AK8: variants seen among roughly 807,000 people sequenced by gnomAD.
The protein encoded by AK8 is adenylate kinase 8, also known as ATP-AMP transphosphorylase 8.
A neutral mutation model predicts 54.6 loss-of-function variants in AK8; 44 were observed. The ratio of observed to expected loss-of-function variants is 0.81; its 90% CI spans 0.63 to 1.04. The LOEUF (loss-of-function observed/expected upper bound fraction) is 1.04. Among genes scored for constraint, AK8 ranks in the 50% least tolerant of loss-of-function variants. The pLI, the probability that AK8 is intolerant of heterozygous loss-of-function variation, is 0.00. For synonymous variants in AK8, 239 were observed against 245.6 expected (o/e 0.97, Z 0.25); for missense variants, 555 against 613.6 (o/e 0.90, Z 1.01).
At chr9:132,854,233 T>C (rs1306204948) in intron 5 of AK8, among the ~76,000 whole-genome samples, 1 of 152,126 alleles carries the variant, frequency 6.6e-6, no homozygotes, top group Non-Finnish European at 1.5e-5. Context: ...CATATATACA[T>C]AAAATAAAAT....
rs562679856 is a variant in AK8, at chr9:132,726,020, T to C, written c.1203-95A>G. On this transcript the variant is annotated intron_variant, in intron 12 of 12. Transcript: ENST00000298545. The stretch of plus-strand genomic sequence containing the variant: ...CTCTACTGTGGACCAATTTGGGGTG[T>C]CCTGGCCACCACCACCATCACCAGC... 764 of 1,073,834 alleles carry C rather than the reference T, an allele frequency of 7.1e-4. 2 individuals carry two copies. Among genetic ancestry groups the C allele is most frequent in the Non-Finnish European group, 9.1e-4 (661 of 722,912 alleles). 66.5% of individuals were successfully genotyped at this position (1,073,834 alleles called of 1,614,324 possible).
intron 2 of AK8, among the ~76,000 whole-genome samples, chr9:132,874,099 T>G (rs933499519): frequency 6.6e-5 from 10 of 152,150 alleles, no homozygotes; most frequent in African/African-American, 2.2e-4. Flanking sequence ...CAAGGGAATG[T>G]CTAGTGAATC....
In AK8 at chr9:132,867,657, G is replaced by A. The variant is rs115117182; in HGVS notation, c.170-704C>T. On this transcript the variant is annotated intron_variant, in intron 2 of 12. Coordinates refer to ENST00000298545, the MANE Select transcript of AK8 (RefSeq NM_152572.3). Reference sequence around the variant, plus strand: ...GTGGCAGGCCCAGGCCCTGGCCATCGTGGAAGCTGGGAAGGCATTTTCAGC... The same window carrying A: ...GTGGCAGGCCCAGGCCCTGGCCATCATGGAAGCTGGGAAGGCATTTTCAGC... 4.0e-3 allele frequency among the ~76,000 whole-genome samples: 613 copies of A among 152,340 alleles called. 6 individuals carry two copies. The highest frequency in any genetic ancestry group is 0.014 in the African/African-American group (591 of 41,578).
intron 11 of AK8, among the ~76,000 whole-genome samples, chr9:132,747,651 G>A (rs11243899): frequency 0.3 from 44,057 of 146,414 alleles, 8,107 homozygotes; most frequent in South Asian, 0.47. Context: ...GGCTGGTCTT[G>A]AACTCCTGAC....
chr9:132,801,441 T>G (rs960621586), intron 10 of AK8, among the ~76,000 whole-genome samples: 10 of 152,192 alleles, frequency 6.6e-5, no homozygotes, highest in African/African-American at 2.4e-4. Context: ...TCTGGGAAAA[T>G]GAGCAGAGGT....
intron 10 of AK8, among the ~76,000 whole-genome samples, chr9:132,793,306 G>T (rs973739834): frequency 6.6e-6 from 1 of 152,116 alleles, no homozygotes; most frequent in African/African-American, 2.4e-5. Flanking sequence ...ACCTCCCAAA[G>T]GTCCCATCTA....
At chr9:132,782,258 TC>T (rs932192881) in intron 11 of AK8, among the ~76,000 whole-genome samples, 7 of 152,042 alleles carry the variant, frequency 4.6e-5, no homozygotes, top group African/African-American at 1.4e-4. Flanking sequence ...CAGTCATTTT[TC>T]CCCCCAGGCT....
chr9:132,755,046 G>T (rs1211681319), intron 11 of AK8, among the ~76,000 whole-genome samples: 1 of 152,090 alleles, frequency 6.6e-6, no homozygotes, highest in Non-Finnish European at 1.5e-5. Flanking sequence ...TAATCTGCCC[G>T]CCTCGGCCTC....
rs370285265 is a variant in AK8 at position 132,752,043 on chromosome 9, T to C, written c.1122-24509A>G. On this transcript the variant is annotated intron_variant, in intron 11 of 12. Transcript: ENST00000298545. The stretch of plus-strand genomic sequence containing the variant: ...TTTTAGTAGAGATGGGGTTTCATCA[T>C]GTTGGTCAGGCTGGTCTCGAACTCC... 3.3e-5 allele frequency among the ~76,000 whole-genome samples: 5 copies of C among 151,916 alleles called. No individual in the cohort carries two copies. In the South Asian group the frequency reaches 8.3e-4, roughly 25 times the overall value.
At chr9:132,832,516 C>T (rs10793944) in intron 5 of AK8, among the ~76,000 whole-genome samples, 54,573 of 152,020 alleles carry the variant, frequency 0.36, 11,866 homozygotes, top group South Asian at 0.57. Flanking sequence ...TTCATTTGGA[C>T]GGGGAGGGAT....
intron 10 of AK8, among the ~76,000 whole-genome samples, chr9:132,797,543 C>A (rs529145638): frequency 2.0e-4 from 30 of 152,148 alleles, no homozygotes; most frequent in African/African-American, 7.0e-4. Flanking sequence ...AGCACTAGCA[C>A]CTGGGGTTTG....
intron 11 of AK8, among the ~76,000 whole-genome samples, chr9:132,728,398 A>T (rs887361486): frequency 6.6e-6 from 1 of 151,690 alleles, no homozygotes; most frequent in Non-Finnish European, 1.5e-5. Flanking sequence ...CTTGGGCTAG[A>T]CTCTCACCTC....
At chr9:132,848,950 C>T (rs1217590311) in intron 5 of AK8, among the ~76,000 whole-genome samples, 6 of 150,192 alleles carry the variant, frequency 4.0e-5, no homozygotes, top group African/African-American at 1.5e-4. Context: ...ACTCTGTCGC[C>T]CAGGCTGGAG....
At position 132,868,936 on chromosome 9, in the gene AK8, T is replaced by A. The variant is rs1843701149; in HGVS notation, c.170-1983A>T. Reference sequence around the variant, plus strand: ...GCTCACACCTGTAATCCCAGCACTTTGGGAGGCCGAGATGGGCGGATCACT... The same window carrying A: ...GCTCACACCTGTAATCCCAGCACTTAGGGAGGCCGAGATGGGCGGATCACT... On this transcript the variant is annotated intron_variant, in intron 2 of 12. Transcript: ENST00000298545. Among the ~76,000 whole-genome samples, 3 of 152,132 alleles carry A rather than the reference T, an allele frequency of 2.0e-5. No homozygotes were observed. In the South Asian group the frequency reaches 6.2e-4, roughly 31 times the overall value.
intron 11 of AK8, among the ~76,000 whole-genome samples, chr9:132,751,716 C>T (rs917658122): frequency 6.6e-6 from 1 of 151,904 alleles, no homozygotes; most frequent in Non-Finnish European, 1.5e-5. Flanking sequence ...AAGTACTGTG[C>T]AGCCACTGAC....
chr9:132,757,994 C>T (rs2131041383), intron 11 of AK8, among the ~76,000 whole-genome samples: 1 of 152,362 alleles, frequency 6.6e-6, no homozygotes, highest in Non-Finnish European at 1.5e-5. Flanking sequence ...TGGGGGCTGT[C>T]CCTCACATCG....
At chr9:132,756,650 T>C (rs114127761) in intron 11 of AK8, among the ~76,000 whole-genome samples, 1,749 of 152,232 alleles carry the variant, frequency 0.011, 38 homozygotes, top group African/African-American at 0.04. Context: ...ACTGACCTGA[T>C]TCTGAGCAAG....
chr9:132,749,640 G>A (rs1415508331), intron 11 of AK8, among the ~76,000 whole-genome samples: 1 of 151,722 alleles, frequency 6.6e-6, no homozygotes, highest in East Asian at 1.9e-4. Context: ...CAGGGTGGGA[G>A]CCACTGGGCT....
At chr9:132,865,478 A>C (rs1269613550) in intron 3 of AK8, among the ~76,000 whole-genome samples, 2 of 152,200 alleles carry the variant, frequency 1.3e-5, no homozygotes, top group African/African-American at 4.8e-5. Context: ...AAAAGGTAAA[A>C]AAGGTCCCAT....
Sources: gnomAD v4.1 joint callset for allele counts (sites outside exome capture counted in the v4.1 genomes callset) on GRCh38, gnomAD v4.1.1 for gene constraint, MANE v1.5 for transcripts, NCBI Gene and HGNC (gene_info 2026-07-23, HGNC 2026-07-21) for gene names.